The following AOPEP variants were observed in gnomAD, a reference collection of about 807,000 sequenced individuals.
AOPEP encodes aminopeptidase O (putative), also known as aminopeptidase O.
A neutral mutation model predicts 98.1 loss-of-function variants in AOPEP; 77 were observed. The ratio of observed to expected loss-of-function variants is 0.78; its 90% CI spans 0.65 to 0.95. The LOEUF is 0.95. Among genes scored for constraint, AOPEP ranks in the 40% least tolerant of loss-of-function variants. The pLI, the probability that AOPEP is intolerant of heterozygous loss-of-function variation, is 0.00. For missense variants in AOPEP, 1,024 were observed against 1,024.7 expected (o/e 1.00, Z 0.01); for synonymous variants, 346 against 365.3 (o/e 0.95, Z 0.60).
intron 1 of AOPEP, among the ~76,000 whole-genome samples, chr9:94,755,061 T>A (rs529787472): frequency 6.6e-6 from 1 of 152,328 alleles, no homozygotes; most frequent in East Asian, 1.9e-4. Flanking sequence ...GCATTTAAAA[T>A]ACATACCACA....
chr9:95,083,555 ACAC>A (rs1336801218), intron 16 of AOPEP, among the ~76,000 whole-genome samples: 1 of 148,688 alleles, frequency 6.7e-6, no homozygotes, highest in Non-Finnish European at 1.5e-5. Flanking sequence ...CGCGGCACAC[ACAC>A]CACACACAGC....
At chr9:95,125,161 C>A in the AOPEP span, 1 of 1,614,112 alleles carries the variant, frequency 6.2e-7, no homozygotes. Context: ...TTTCCAGGGC[C>A]CCATCGGTTT....
intron 7 of AOPEP, among the ~76,000 whole-genome samples, chr9:94,946,465 T>G (rs898655408): frequency 1.3e-5 from 2 of 152,100 alleles, no homozygotes; most frequent in African/African-American, 4.8e-5. Flanking sequence ...TTTCCTGTGC[T>G]CAGCTTCTAC....
intron 14 of AOPEP, among the ~76,000 whole-genome samples, chr9:95,079,433 A>G (rs2069466464): frequency 1.3e-5 from 2 of 152,246 alleles, no homozygotes; most frequent in African/African-American, 4.8e-5. Context: ...AGGCTCTTCT[A>G]AAATGCACAT....
At chr9:95,007,146 C>T (rs1208747050) in intron 13 of AOPEP, among the ~76,000 whole-genome samples, 1 of 152,018 alleles carries the variant, frequency 6.6e-6, no homozygotes, top group African/African-American at 2.4e-5. Flanking sequence ...GTGATCTGCC[C>T]GCCTCGGTGT....
In AOPEP at chr9:95,061,510, G is replaced by A. The variant is rs112817641; in HGVS notation, c.2232+700G>A. On this transcript the variant is annotated intron_variant, in intron 14 of 16. Coordinates refer to ENST00000375315, the MANE Select transcript of AOPEP (RefSeq NM_001193329.3). ...GTCTAGTACAGCAGCCATTAGCCAT[G>A]TGTGGCTGTTAAACACTTAAATGCA... 3.9e-3 allele frequency among the ~76,000 whole-genome samples: 591 copies of A among 152,348 alleles called. 17 individuals carry two copies. In the East Asian group the frequency reaches 0.051, roughly 13 times the overall value.
intron 6 of AOPEP, among the ~76,000 whole-genome samples, chr9:94,924,760 G>A (rs1466772526): frequency 6.6e-6 from 1 of 152,156 alleles, no homozygotes; most frequent in Non-Finnish European, 1.5e-5. Flanking sequence ...GTGAAGGAAG[G>A]AGGGCTCAAT....
chr9:94,830,841 G>A (rs1184665653), intron 5 of AOPEP, among the ~76,000 whole-genome samples: 2 of 152,116 alleles, frequency 1.3e-5, no homozygotes, highest in African/African-American at 4.8e-5. Context: ...TGGCTGCACA[G>A]ATGTCCTCTC....
At chr9:94,793,076 A>C (rs1207923912) in intron 4 of AOPEP, among the ~76,000 whole-genome samples, 158 bp downstream of exon 4, 1 of 152,230 alleles carries the variant, frequency 6.6e-6, no homozygotes, top group Non-Finnish European at 1.5e-5. Context: ...ATTAGAAAGG[A>C]AAGAGAGGGC....
At chr9:94,838,277 G>A (rs1032324472) in intron 5 of AOPEP, among the ~76,000 whole-genome samples, 19 of 152,156 alleles carry the variant, frequency 1.2e-4, no homozygotes, top group African/African-American at 4.6e-4. Flanking sequence ...CCAAATTGGT[G>A]GGTTACAGGC....
At chr9:94,861,832 C>T (rs143915012) in intron 5 of AOPEP, among the ~76,000 whole-genome samples, 5 of 152,186 alleles carry the variant, frequency 3.3e-5, no homozygotes, top group East Asian at 1.9e-4. Flanking sequence ...TCGGGTCCTC[C>T]GTGCTTCTGT....
chr9:94,851,287 G>A (rs187495784), intron 5 of AOPEP, among the ~76,000 whole-genome samples: 1 of 152,190 alleles, frequency 6.6e-6, no homozygotes, highest in East Asian at 1.9e-4. Context: ...GGAGTCCCAC[G>A]CCCGTTACCT....
chr9:94,822,320 A>T (rs536610693), intron 5 of AOPEP, among the ~76,000 whole-genome samples: 6 of 152,356 alleles, frequency 3.9e-5, no homozygotes, highest in Non-Finnish European at 8.8e-5. Context: ...TCAGCTGTGA[A>T]ATAGACTTGT....
At chr9:94,841,284 G>T (rs960487046) in intron 5 of AOPEP, among the ~76,000 whole-genome samples, 2 of 150,760 alleles carry the variant, frequency 1.3e-5, no homozygotes, top group Admixed American at 1.3e-4. Flanking sequence ...TAACTCTCCT[G>T]CCTCAGCCTC....
intron 13 of AOPEP, among the ~76,000 whole-genome samples, chr9:95,021,366 A>G (rs937151322): frequency 5.3e-5 from 8 of 152,230 alleles, no homozygotes; most frequent in African/African-American, 1.9e-4. Context: ...ACTTGCAGAA[A>G]GCTTCCTCTC....
intron 2 of AOPEP, 142 bp downstream of exon 2, chr9:94,760,722 A>G: frequency 1.7e-6 from 1 of 595,668 alleles, no homozygotes; most frequent in Non-Finnish European, 2.7e-6. Flanking sequence ...CCTTAGACCT[A>G]CAGTGAAGCA....
At chr9:94,896,696 C>G (rs920496246) in intron 5 of AOPEP, among the ~76,000 whole-genome samples, 1 of 152,172 alleles carries the variant, frequency 6.6e-6, no homozygotes, top group Non-Finnish European at 1.5e-5. Flanking sequence ...TTGACCATTA[C>G]ACCTTAAAAC....
the AOPEP span, among the ~76,000 whole-genome samples, chr9:95,141,244 C>T: frequency 7.6e-6 from 1 of 130,874 alleles, no homozygotes; most frequent in Non-Finnish European, 1.5e-5. Flanking sequence ...CCTGGGAGGT[C>T]GAGGCTACAG....
At chr9:95,103,828 G>A in the AOPEP span, among the ~76,000 whole-genome samples, 8 of 152,226 alleles carry the variant, frequency 5.3e-5, no homozygotes, top group African/African-American at 1.9e-4. Flanking sequence ...GGGGCTGCAG[G>A]ACCAGTGCGT....
Sources: allele counts gnomAD v4.1 joint callset (sites outside exome capture counted in the v4.1 genomes callset), GRCh38; gene constraint gnomAD v4.1.1; transcripts MANE v1.5; gene names NCBI Gene and HGNC (gene_info 2026-07-23, HGNC 2026-07-21).